NFATC4: variants seen among roughly 807,000 people sequenced by gnomAD.
The protein encoded by NFATC4 is nuclear factor of activated T-cells, cytoplasmic 4.
Under a neutral mutation model 73.4 loss-of-function variants are expected in NFATC4, and 25 were observed. The observed-to-expected ratio is 0.34, with a 90% CI of 0.25 to 0.48. The LOEUF (loss-of-function observed/expected upper bound fraction) is 0.48. Among genes scored for constraint, NFATC4 ranks in the 20% least tolerant of loss-of-function variants. The pLI, the probability that NFATC4 is intolerant of heterozygous loss-of-function variation, is 0.99. For missense variants in NFATC4, 1,130 were observed against 1,203.7 expected (o/e 0.94, Z 0.91); for synonymous variants, 523 against 510.3 (o/e 1.02, Z -0.34).
Position 24,377,087 on chromosome 14 carries a change from A to G in NFATC4, c.2641+209A>G. 2 of 1,330,632 alleles carry G rather than the reference A, an allele frequency of 1.5e-6. No homozygotes were observed. Among genetic ancestry groups the G allele is most frequent in the Non-Finnish European group, 1.9e-6 (2 of 1,046,682 alleles). 82.4% of individuals were successfully genotyped at this position (1,330,632 alleles called of 1,614,324 possible). On this transcript the variant is annotated intron_variant, in intron 9 of 9. Coordinates refer to ENST00000250373, the MANE Select transcript of NFATC4 (RefSeq NM_004554.5). The surrounding 1 kb of genome is among the most constrained non-coding windows in gnomAD (Gnocchi z 4.2). ...GAAGAGTGCATGGGGTAACTGTCTC[A>G]GCCTTTCTCCTGTCTCTGCCTCTGT...
intron 1 of NFATC4, chr14:24,369,013 T>A: frequency 8.4e-7 from 1 of 1,185,760 alleles, no homozygotes; most frequent in Non-Finnish European, 1.1e-6. Context: ...CGCCCCTAGA[T>A]GGCGAGGAGA....
Position 24,369,870 on chromosome 14 carries a change from G to A in NFATC4, c.472G>A (p.Ala158Thr), listed in dbSNP as rs918602142. Reference protein sequence around the residue: ...PPEGFGGYREAGGQGGGAFFS... With the variant: ...PPEGFGGYRETGGQGGGAFFS... Reference sequence around the variant, plus strand: ...AGAAGGCTTTGGGGGCTACAGAGAAGCAGGGGGCCAGGGTGGGGGGGCCTT... The same window carrying A: ...AGAAGGCTTTGGGGGCTACAGAGAAACAGGGGGCCAGGGTGGGGGGGCCTT... The change falls in exon 2 of 10, where the codon GCA (alanine) becomes ACA (threonine). Residue 158 changes from alanine to threonine, a missense_variant. Physicochemically the swap from Ala to Thr is moderately conservative, Grantham distance 58. Transcript: ENST00000250373. 3 of 1,610,352 alleles carry A rather than the reference G, an allele frequency of 1.9e-6. No homozygotes were observed. Among genetic ancestry groups the A allele is most frequent in the Non-Finnish European group, 1.7e-6 (2 of 1,178,730 alleles).
chr14:24,372,345 C>A, intron 2 of NFATC4, 96 bp from the exon 3 acceptor site: 1 of 1,310,452 alleles, frequency 7.6e-7, no homozygotes, highest in South Asian at 1.4e-5. Context: ...GCTTTCCTTT[C>A]TCTCAGACCC....
At chr14:24,368,971 C>T in intron 1 of NFATC4, 1 of 1,065,286 alleles carries the variant, frequency 9.4e-7, no homozygotes, top group South Asian at 2.2e-5. Flanking sequence ...CCCGGCTGGG[C>T]CCAGCACGCA....
At chr14:24,372,275 A>C in intron 2 of NFATC4, 166 bp from the exon 3 acceptor site, 2 of 739,204 alleles carry the variant, frequency 2.7e-6, no homozygotes, top group South Asian at 2.2e-5. Context: ...TTTTAGTTTA[A>C]AAAAAATTCT....
upstream of NFATC4, chr14:24,367,440 AC>A (rs1272869316): frequency 9.1e-6 from 14 of 1,535,566 alleles, no homozygotes; most frequent in Admixed American, 2.0e-5. Flanking sequence ...GGTGGCTGGG[AC>A]AAGGGCAGCG....
rs200926894 is a variant in NFATC4 at position 24,369,787 on chromosome 14, C to T, written c.389C>T (p.Ala130Val). 985 of 1,595,798 alleles carry T rather than the reference C, an allele frequency of 6.2e-4. 2 individuals are homozygous for T. The highest frequency in any genetic ancestry group is 7.0e-4 in the Non-Finnish European group (824 of 1,171,112). Residue 130 changes from alanine (A) to valine (V), a missense_variant, in exon 2 of 10, where the codon GCG (alanine) becomes GTG (valine). Transcript: ENST00000250373. The stretch of plus-strand genomic sequence containing the variant: ...TCTCCCACGCCGGAGCCGCCAGCAG[C>T]GCTGGAGGACAACCCTGATGCCTGG... ...SISPTPEPPA[A>V]LEDNPDAWGD...
intron 2 of NFATC4, chr14:24,372,068 T>G (rs1220420779): frequency 5.3e-6 from 1 of 187,770 alleles, no homozygotes; most frequent in Non-Finnish European, 1.1e-5. Flanking sequence ...TCTTTTTTCT[T>G]TCCATCCAGG....
At chr14:24,367,212 C>T, upstream of NFATC4, 1 of 1,613,848 alleles carries the variant, frequency 6.2e-7, no homozygotes. Context: ...TCCTCCAGCC[C>T]AGGTGACAGG....
chr14:24,376,191 A>T lies in NFATC4; in HGVS notation c.2056+90A>T. The T allele has an allele frequency of 6.3e-7, 1 of 1,593,314 alleles. No individual in the cohort carries two copies. Among genetic ancestry groups the T allele is most frequent in the Non-Finnish European group, 8.6e-7 (1 of 1,167,954 alleles). The stretch of plus-strand genomic sequence containing the variant: ...GAAGCAGTACTCATCATGAGGGGCC[A>T]AGGGGTGAATGGAACCTGGGAGGAG... On this transcript the variant is annotated intron_variant, in intron 8 of 9. Transcript: ENST00000250373. The surrounding 1 kb of genome is among the most constrained non-coding windows in gnomAD (Gnocchi z 5.0).
Position 24,377,089 on chromosome 14 carries a change from CCTTTCT to C in NFATC4, c.2641+213_2641+218del. The C allele has an allele frequency of 7.5e-7, 1 of 1,327,570 alleles. No homozygotes were observed. Among genetic ancestry groups the C allele is most frequent in the Non-Finnish European group, 9.6e-7 (1 of 1,045,056 alleles). 82.2% of individuals were successfully genotyped at this position (1,327,570 alleles called of 1,614,324 possible). A position where few individuals can be genotyped will look rare whatever the true frequency, so the allele number is the denominator to read the frequency against. On this transcript the variant is annotated intron_variant, in intron 9 of 9. Transcript: ENST00000250373. The surrounding 1 kb of genome is among the most constrained non-coding windows in gnomAD (Gnocchi z 4.2). ...AGAGTGCATGGGGTAACTGTCTCAG[CCTTTCT>C]CCTGTCTCTGCCTCTGTCCTCTGCT...
upstream of NFATC4, chr14:24,367,660 G>A (rs1334374071): frequency 6.5e-7 from 1 of 1,535,866 alleles, no homozygotes; most frequent in South Asian, 1.2e-5. Context: ...CCAGGCAAGG[G>A]AGGCGGAAGA....
In NFATC4 at chr14:24,376,071, A is replaced by T; in HGVS notation, c.2026A>T (p.Ser676Cys). 6.2e-7 allele frequency: 1 copy of T among 1,614,070 alleles called. No homozygotes were observed. Among genetic ancestry groups the T allele is most frequent in the Non-Finnish European group, 8.5e-7 (1 of 1,179,962 alleles). Residue 676 changes from serine (S) to cysteine (C), a missense_variant, in exon 8 of 10, where the codon AGT becomes TGT. Ser to Cys is a moderately radical substitution (Grantham distance 112). Around this residue, in one of 3 missense-constraint regions of NFATC4, gnomAD observed 390 missense variants for 408.1 expected, o/e 0.96. Transcript: ENST00000250373. The surrounding 1 kb of genome is among the most constrained non-coding windows in gnomAD (Gnocchi z 5.0). Reference sequence around the variant, plus strand: ...TGTCTCCAATGGGCGGAGGAAACGCAGTCCTACCCAGAGTTTCAGGTTTCT... The same window carrying T: ...TGTCTCCAATGGGCGGAGGAAACGCTGTCCTACCCAGAGTTTCAGGTTTCT... ...FYVSNGRRKR[S>C]PTQSFRFLPV... is the part of the protein sequence containing the mutation.
rs2042592289 is a variant in NFATC4 at position 24,375,649 on chromosome 14, C to T, written c.1874-11C>T. The T allele has an allele frequency of 6.4e-7, 1 of 1,553,532 alleles. No individual in the cohort carries two copies. The highest frequency in any genetic ancestry group is 8.7e-7 in the Non-Finnish European group (1 of 1,147,772). On this transcript the variant is annotated splice_polypyrimidine_tract_variant and intron_variant, in intron 6 of 9. Transcript: ENST00000250373. ...GGAGTTGGGCTGCAGCTCTCTGTTCCCTCTGGACAGATGGGAAGCTGCAAT... is the reference window on the plus strand; with the variant it reads ...GGAGTTGGGCTGCAGCTCTCTGTTCTCTCTGGACAGATGGGAAGCTGCAAT...
At position 24,369,628 on chromosome 14, in the gene NFATC4, G is replaced by C. The variant is rs1279605760; in HGVS notation, c.230G>C (p.Arg77Pro). ...CCTGGCATGCATTCGCCACCGCCGC[G>C]ACCAGCCCCCTCACCTGGCACCTGG... The part of the protein sequence containing the change: ...PRPGMHSPPP[R>P]PAPSPGTWES... The change falls in exon 2 of 10, where the codon CGA becomes CCA. Residue 77 changes from arginine to proline, a missense_variant. Physicochemically the swap from Arg to Pro is moderately radical, Grantham distance 103. Coordinates refer to ENST00000250373, the MANE Select transcript of NFATC4 (RefSeq NM_004554.5). 1 of 1,613,116 alleles carries C rather than the reference G, an allele frequency of 6.2e-7. No homozygotes were observed. The highest frequency in any genetic ancestry group is 2.2e-5 in the East Asian group (1 of 44,880).
At chr14:24,375,934 G>T in intron 7 of NFATC4, 41 bp from the exon 8 acceptor site, 1 of 1,612,970 alleles carries the variant, frequency 6.2e-7, no homozygotes. Context: ...GCTAAGCCCA[G>T]ATGCCCGAGG....
Position 24,370,270 on chromosome 14 carries a change from G to C in NFATC4, c.872G>C (p.Gly291Ala), listed in dbSNP as rs2042436843. 1 of 1,612,646 alleles carries C rather than the reference G, an allele frequency of 6.2e-7. No homozygotes were observed. Among genetic ancestry groups the C allele is most frequent in the African/African-American group, 1.3e-5 (1 of 74,914 alleles). ...GCTCTGTCCCGCCGTGGCAGCCTGG[G>C]GGAAGAGGGGTCTGAGCCACCTCCA... ...SPALSRRGSL[G>A]EEGSEPPPPP... The change falls in exon 2 of 10, where the codon GGG becomes GCG. Residue 291 changes from glycine to alanine, a missense_variant. Around this residue, in one of 3 missense-constraint regions of NFATC4, gnomAD observed 585 missense variants for 574.3 expected, o/e 1.02. Transcript: ENST00000250373.
chr14:24,376,664 C>A lies in NFATC4; in HGVS notation c.2427C>A (p.Ala809=). 6.2e-7 allele frequency: 1 copy of A among 1,613,516 alleles called. No individual in the cohort carries two copies. The highest frequency in any genetic ancestry group is 2.2e-5 in the East Asian group (1 of 44,846). The change falls in exon 9 of 10, where the codon GCC becomes GCA. Residue 809 remains alanine (A), a synonymous_variant. Transcript: ENST00000250373. The surrounding 1 kb of genome is among the most constrained non-coding windows in gnomAD (Gnocchi z 5.0). ...FSLGLPFSPP[A]PFRPPPLPAS... is the part of the protein sequence containing the mutation. Reference sequence around the variant, plus strand: ...TGGGGCTGCCATTCTCTCCGCCAGCCCCCTTTCGGCCGCCTCCTCTTCCTG... The same window carrying A: ...TGGGGCTGCCATTCTCTCCGCCAGCACCCTTTCGGCCGCCTCCTCTTCCTG...
chr14:24,375,574 T>C (rs1390847356), intron 6 of NFATC4, 86 bp from the exon 7 acceptor site: 1 of 1,469,332 alleles, frequency 6.8e-7, no homozygotes, highest in African/African-American at 1.4e-5. Flanking sequence ...TGGCCTTGGC[T>C]CTAACAGGAG....
Sources: gnomAD v4.1 joint callset for allele counts on GRCh38, gnomAD v4.1.1 for gene constraint, gnomAD v4.1.1 regional missense constraint, Gnocchi (gnomAD v3.1) non-coding constraint, MANE v1.5 for transcripts, NCBI Gene and HGNC (gene_info 2026-07-23, HGNC 2026-07-21) for gene names.